RNF121: variants seen among roughly 807,000 people sequenced by gnomAD.
RNF121 encodes ring finger protein 121, also known as E3 ubiquitin ligase RNF121.
In RNF121, 21 loss-of-function variants were observed where a neutral mutation model predicts 46.5. The ratio of observed to expected loss-of-function variants is 0.45; its 90% CI spans 0.32 to 0.65. The LOEUF (loss-of-function observed/expected upper bound fraction) is 0.65. Among genes scored for constraint, RNF121 ranks in the 30% least tolerant of loss-of-function variants. The pLI is 0.04. For synonymous variants in RNF121, 139 were observed against 144.7 expected, an observed-to-expected ratio of 0.96 and a Z score of 0.28; for missense variants, 346 against 416.0, an observed-to-expected ratio of 0.83 and a Z score of 1.46.
intron 1 of RNF121, among the ~76,000 whole-genome samples, chr11:71,942,886 A>G (rs1953617777): frequency 6.6e-6 from 1 of 152,018 alleles, no homozygotes; most frequent in South Asian, 2.1e-4. Context: ...AAGTTCTAGC[A>G]GATATGATGT....
At chr11:71,984,879 G>A (rs1018718471) in intron 4 of RNF121, among the ~76,000 whole-genome samples, 2 of 148,236 alleles carry the variant, frequency 1.3e-5, no homozygotes, top group Admixed American at 1.4e-4. Context: ...GAGCCACCAC[G>A]CCCAGCCCTG....
chr11:71,936,867 T>TA (rs1293076163), intron 1 of RNF121, among the ~76,000 whole-genome samples: 32 of 152,346 alleles, frequency 2.1e-4, no homozygotes, highest in Admixed American at 5.2e-4. Flanking sequence ...TGTACATTCC[T>TA]CAGTGCCTTG....
At chr11:71,954,144 T>G in intron 1 of RNF121, among the ~76,000 whole-genome samples, 1 of 152,114 alleles carries the variant, frequency 6.6e-6, no homozygotes, top group East Asian at 1.9e-4. Flanking sequence ...TCAGACTGAG[T>G]TAATGCTTGG....
chr11:71,935,117 G>A (rs1341146026), intron 1 of RNF121, among the ~76,000 whole-genome samples: 1 of 151,888 alleles, frequency 6.6e-6, no homozygotes, highest in Non-Finnish European at 1.5e-5. Flanking sequence ...AATTTTTGTA[G>A]AGACAGAGTT....
At chr11:71,941,680 C>T (rs1000710068) in intron 1 of RNF121, among the ~76,000 whole-genome samples, 2 of 152,186 alleles carry the variant, frequency 1.3e-5, no homozygotes, top group Non-Finnish European at 2.9e-5. Context: ...TGAACCAAGT[C>T]CTGAATGGTG....
At chr11:71,972,864 C>T (rs779477582) in intron 3 of RNF121, among the ~76,000 whole-genome samples, 7 of 152,066 alleles carry the variant, frequency 4.6e-5, no homozygotes, top group Non-Finnish European at 7.4e-5. Flanking sequence ...AACTTAGGAG[C>T]TCAAGCCCAA....
At chr11:71,968,299 ATCAAACTGCC>A (rs1954334684) in intron 3 of RNF121, among the ~76,000 whole-genome samples, 1 of 152,172 alleles carries the variant, frequency 6.6e-6, no homozygotes, top group Non-Finnish European at 1.5e-5. Flanking sequence ...ACTTCAAGTG[ATCAAACTGCC>A]TCGGCCTCGC....
intron 1 of RNF121, among the ~76,000 whole-genome samples, chr11:71,933,221 A>G (rs1180808063): frequency 2.0e-5 from 3 of 152,184 alleles, no homozygotes; most frequent in South Asian, 2.1e-4. Flanking sequence ...TCAATACCCA[A>G]TAGGGCCAGC....
chr11:71,945,810 C>T (rs771619011), intron 1 of RNF121, among the ~76,000 whole-genome samples: 6 of 151,140 alleles, frequency 4.0e-5, no homozygotes, highest in Non-Finnish European at 7.4e-5. Context: ...AAAAAAATAA[C>T]CTAGTAAAAA....
intron 4 of RNF121, among the ~76,000 whole-genome samples, chr11:71,984,021 G>A (rs1351873737): frequency 6.6e-6 from 1 of 152,240 alleles, no homozygotes; most frequent in Non-Finnish European, 1.5e-5. Flanking sequence ...GATACAGGAT[G>A]TGGAGCCAGA....
At chr11:71,996,147 C>T (rs2134226276) in intron 8 of RNF121, 48 bp from the exon 9 acceptor site, 3 of 1,609,894 alleles carry the variant, frequency 1.9e-6, no homozygotes, top group Non-Finnish European at 2.5e-6. Flanking sequence ...TGCTAGATCA[C>T]TCCTGGCAGC....
chr11:71,931,867 T>C (rs1025447776), intron 1 of RNF121, among the ~76,000 whole-genome samples: 3 of 152,202 alleles, frequency 2.0e-5, no homozygotes, highest in Non-Finnish European at 4.4e-5. Flanking sequence ...GTTTTATTGA[T>C]AGACTCTAAT....
chr11:71,974,962 G>T (rs1465044283), intron 3 of RNF121, among the ~76,000 whole-genome samples: 1 of 152,198 alleles, frequency 6.6e-6, no homozygotes, highest in Non-Finnish European at 1.5e-5. Flanking sequence ...CTCCTTCAGG[G>T]ATGTTAGGGG....
intron 1 of RNF121, among the ~76,000 whole-genome samples, chr11:71,949,350 C>A (rs762161580): frequency 1.3e-5 from 2 of 151,862 alleles, no homozygotes; most frequent in African/African-American, 4.8e-5. Context: ...CCTGGAAAGT[C>A]GACACTGCAG....
At chr11:71,964,785 G>A (rs2134182220) in intron 3 of RNF121, among the ~76,000 whole-genome samples, 1 of 152,224 alleles carries the variant, frequency 6.6e-6, no homozygotes, top group South Asian at 2.1e-4. Flanking sequence ...GGTATTATAA[G>A]CTGTGTTTTA....
Position 71,994,726 on chromosome 11 carries a change from G to A in RNF121, c.635G>A (p.Ser212Asn). The A allele has an allele frequency of 1.2e-6, 2 of 1,614,150 alleles. No homozygotes were observed. The highest frequency in any genetic ancestry group is 1.7e-6 in the Non-Finnish European group (2 of 1,180,040). Reference sequence around the variant, plus strand: ...CCTGCTATTCTCCTTCAGTTCTACAGCGAGTCGGGCATGCCTACCAAACAT... The same window carrying A: ...CCTGCTATTCTCCTTCAGTTCTACAACGAGTCGGGCATGCCTACCAAACAT... ...DYMASTIGFY[S>N]ESGMPTKHLS... Residue 212 changes from serine (S) to asparagine (N), a missense_variant, in exon 7 of 9, where the codon AGC (serine) becomes AAC (asparagine). Around this residue, in one of 2 missense-constraint regions of RNF121, gnomAD observed 286 missense variants for 383.8 expected, o/e 0.75. Coordinates refer to ENST00000361756, the MANE Select transcript of RNF121 (RefSeq NM_018320.5).
intron 3 of RNF121, among the ~76,000 whole-genome samples, chr11:71,969,452 A>G (rs577235150): frequency 1.3e-5 from 2 of 152,254 alleles, no homozygotes; most frequent in Non-Finnish European, 2.9e-5. Flanking sequence ...GACACTTTTT[A>G]TAGAAAGGTA....
intron 3 of RNF121, among the ~76,000 whole-genome samples, chr11:71,961,289 G>A (rs1326605205): frequency 6.6e-6 from 1 of 152,156 alleles, no homozygotes; most frequent in Admixed American, 6.5e-5. Flanking sequence ...GATCGGGTGT[G>A]GTGGCTCATG....
At position 71,950,400 on chromosome 11, in the gene RNF121, A is replaced by G. The variant is rs543212014; in HGVS notation, c.64-6827A>G. Among the ~76,000 whole-genome samples, 67 of 152,170 alleles carry G rather than the reference A, an allele frequency of 4.4e-4. 1 individual carries two copies. Among genetic ancestry groups the G allele is most frequent in the Admixed American group, 4.0e-3 (61 of 15,286 alleles). On this transcript the variant is annotated intron_variant, in intron 1 of 8. Transcript: ENST00000361756. ...GGAGTTTGAGACTGGCCTGGCCAAC[A>G]TGATGAAACCCTGTCTCTACTAAAA...
Sources: gnomAD v4.1 joint callset for allele counts (sites outside exome capture counted in the v4.1 genomes callset) on GRCh38, gnomAD v4.1.1 for gene constraint, gnomAD v4.1.1 regional missense constraint, MANE v1.5 for transcripts, NCBI Gene and HGNC (gene_info 2026-07-23, HGNC 2026-07-21) for gene names.